Variants in SPNS2 observed in about 807,000 individuals in gnomAD.
SPNS2 encodes SPNS lysolipid transporter 2, sphingosine-1-phosphate.
Under a neutral mutation model 57.6 loss-of-function variants are expected in SPNS2, and 37 were observed. The observed-to-expected ratio is 0.64, with a 90% CI of 0.49 to 0.85. The LOEUF (loss-of-function observed/expected upper bound fraction) is 0.85, where lower values mean the gene tolerates loss of function less well. Among genes scored for constraint, SPNS2 ranks in the 40% least tolerant of loss-of-function variants. SPNS2 has a pLI of 0.00. For synonymous variants in SPNS2, 440 were observed against 346.9 expected, an observed-to-expected ratio of 1.27 and a Z score of -2.98; for missense variants, 831 against 779.1, an observed-to-expected ratio of 1.07 and a Z score of -0.79.
At position 4,536,404 on chromosome 17, in the gene SPNS2, G is replaced by T. The variant is rs750111797; in HGVS notation, c.1585G>T (p.Asp529Tyr). The change falls in exon 11 of 13, where the codon GAC (aspartate) becomes TAC (tyrosine). Residue 529 changes from aspartate to tyrosine, a missense_variant. Transcript: ENST00000329078. ...FLATALFFVS[D>Y]RARAEQQVNQ... ...CGCCACTGCGCTCTTCTTCGTCAGCGACCGCGCCAGGGCTGAGCAGCAGTG... is the reference window on the plus strand; with the variant it reads ...CGCCACTGCGCTCTTCTTCGTCAGCTACCGCGCCAGGGCTGAGCAGCAGTG... 1.9e-6 allele frequency: 3 copies of T among 1,596,888 alleles called. No homozygotes were observed. The highest frequency in any genetic ancestry group is 1.7e-5 in the Admixed American group (1 of 59,774).
At chr17:4,523,482 T>C (rs149075046) in intron 2 of SPNS2, among the ~76,000 whole-genome samples, 18 of 151,444 alleles carry the variant, frequency 1.2e-4, no homozygotes, top group African/African-American at 4.4e-4. Flanking sequence ...AATAAATTTC[T>C]CTCAGCCAGG....
intron 2 of SPNS2, among the ~76,000 whole-genome samples, chr17:4,524,073 C>T (rs1044356967): frequency 1.5e-4 from 23 of 152,152 alleles, no homozygotes; most frequent in African/African-American, 3.6e-4. Context: ...CCCTGCGGCG[C>T]GCTGGGAGTG....
chr17:4,538,747 G>A lies in SPNS2; in HGVS notation c.*1299G>A, dbSNP rs957744441. 2 of 709,794 alleles carry A rather than the reference G, an allele frequency of 2.8e-6. No individual in the cohort carries two copies. Among genetic ancestry groups the A allele is most frequent in the Admixed American group, 2.3e-5 (1 of 44,062 alleles). 44.0% of individuals were successfully genotyped at this position (709,794 alleles called of 1,614,324 possible). On this transcript the variant is annotated 3_prime_UTR_variant, in exon 13 of 13. Transcript: ENST00000329078. ...CTGTGGCTTCAGTGGTGTGTAAGCA[G>A]GTGGAATACTCACCCACCAAGCTCT... is the stretch of plus-strand genomic sequence containing the variant.
intron 5 of SPNS2, 48 bp from the exon 6 acceptor site, chr17:4,532,494 G>A: frequency 1.2e-6 from 2 of 1,613,742 alleles, no homozygotes; most frequent in Non-Finnish European, 8.5e-7. Context: ...CTGCAGCAGG[G>A]ACGAGGCTCA....
In SPNS2 at chr17:4,499,725, CCTCTGCGT is replaced by C. The variant is rs149594585; in HGVS notation, c.370+313_370+320del. On this transcript the variant is annotated intron_variant, in intron 1 of 12. Transcript: ENST00000329078. This position sits in a 1 kb window ranked among gnomAD's most constrained non-coding sequence, Gnocchi z 5.2. ...CCGTTGTCCTCCTCTCCAAGAGTCTCCTCTGCGTCTCTCTGTCTCCTTGTCTCTGCGCC... is the reference window on the plus strand; with the variant it reads ...CCGTTGTCCTCCTCTCCAAGAGTCTCCTCTCTGTCTCCTTGTCTCTGCGCC... 7.5e-3 allele frequency: 1,967 copies of C among 262,264 alleles called. 35 individuals are homozygous for C. Among genetic ancestry groups the C allele is most frequent in the African/African-American group, 0.041 (1,854 of 45,324 alleles). 16.2% of individuals were successfully genotyped at this position (262,264 alleles called of 1,614,324 possible).
intron 3 of SPNS2, among the ~76,000 whole-genome samples, chr17:4,528,330 AC>A (rs1190735371): frequency 6.6e-6 from 1 of 151,880 alleles, no homozygotes; most frequent in Non-Finnish European, 1.5e-5. Context: ...GCCCTGTGAG[AC>A]TCAACAGGAA....
In SPNS2 at chr17:4,536,139, C is replaced by T. The variant is rs767155809; in HGVS notation, c.1408C>T (p.Leu470=). The change falls in exon 10 of 13, where the codon CTG becomes TTG. Residue 470 remains leucine (L), a synonymous_variant. Coordinates refer to ENST00000329078, the MANE Select transcript of SPNS2 (RefSeq NM_001124758.3). The part of the protein sequence containing the change: ...VALQSFTSHL[L]GDAGSPYLIG... ...CTTGCAGAGCTTCACCTCCCACCTG[C>T]TGGGGGACGCCGGGAGCCCCTACCT... 1 of 1,612,678 alleles carries T rather than the reference C, an allele frequency of 6.2e-7. No individual in the cohort carries two copies. The highest frequency in any genetic ancestry group is 1.3e-5 in the African/African-American group (1 of 75,026).
chr17:4,538,066 G>A lies in SPNS2; in HGVS notation c.*618G>A, dbSNP rs557704392. 3.5e-5 allele frequency: 12 copies of A among 342,234 alleles called. No homozygotes were observed. The highest frequency in any genetic ancestry group is 1.3e-3 in the Middle Eastern group (2 of 1,528). The allele number at this position is 342,234 out of a possible 1,614,324, so 21.2% of individuals were successfully genotyped here. On this transcript the variant is annotated 3_prime_UTR_variant, in exon 13 of 13. Coordinates refer to ENST00000329078, the MANE Select transcript of SPNS2 (RefSeq NM_001124758.3). ...CTCTGGGTACTCCCTGGAGGACACTGTCTCACTGTCTCGGGTTGGCTCCCA... is the reference window on the plus strand; with the variant it reads ...CTCTGGGTACTCCCTGGAGGACACTATCTCACTGTCTCGGGTTGGCTCCCA...
chr17:4,516,843 A>G (rs995329649), intron 2 of SPNS2, among the ~76,000 whole-genome samples: 1 of 152,248 alleles, frequency 6.6e-6, no homozygotes, highest in Non-Finnish European at 1.5e-5. Context: ...AGTGGGAGCT[A>G]GAATTGAAGC....
In SPNS2 at chr17:4,536,253, A is replaced by C; in HGVS notation, c.1444-10A>C. On this transcript the variant is annotated splice_polypyrimidine_tract_variant and intron_variant, in intron 10 of 12. Coordinates refer to ENST00000329078, the MANE Select transcript of SPNS2 (RefSeq NM_001124758.3). ...GCTCTGCCCTGACATCCACCCCCAA[A>C]TCCTCGCAGATCTCAGACCTGATCC... The C allele has an allele frequency of 6.2e-7, 1 of 1,610,942 alleles. No homozygotes were observed. Among genetic ancestry groups the C allele is most frequent in the Non-Finnish European group, 8.5e-7 (1 of 1,179,192 alleles).
intron 3 of SPNS2, among the ~76,000 whole-genome samples, chr17:4,527,211 A>G (rs984023521): frequency 6.6e-6 from 1 of 152,280 alleles, no homozygotes; most frequent in African/African-American, 2.4e-5. Context: ...TTCTGAAGTT[A>G]ATTTGGCAGA....
chr17:4,509,295 C>T (rs1438379067), intron 1 of SPNS2, among the ~76,000 whole-genome samples: 1 of 152,148 alleles, frequency 6.6e-6, no homozygotes, highest in Non-Finnish European at 1.5e-5. Context: ...GAGTTCTTAG[C>T]CAAGTGTCGT....
intron 1 of SPNS2, 134 bp from the exon 2 acceptor site, chr17:4,513,113 A>C: frequency 4.4e-6 from 4 of 904,968 alleles, no homozygotes; most frequent in Non-Finnish European, 7.0e-6. Context: ...TGGGCAGGGT[A>C]GAGGTCGCAG....
chr17:4,533,366 G>A lies in SPNS2; in HGVS notation c.1212G>A (p.Met404Ile). 1 of 1,611,464 alleles carries A rather than the reference G, an allele frequency of 6.2e-7. No homozygotes were observed. Among genetic ancestry groups the A allele is most frequent in the East Asian group, 2.2e-5 (1 of 44,860 alleles). The change falls in exon 8 of 13, where the codon ATG becomes ATA. Residue 404 changes from methionine to isoleucine, a missense_variant. Physicochemically the swap from Met to Ile is conservative, Grantham distance 10 (BLOSUM62 1). Around this residue, in one of 2 missense-constraint regions of SPNS2, gnomAD observed 526 missense variants for 400.9 expected, o/e 1.31. Transcript: ENST00000329078. ...RADPLVCAVGMLGSAIFICLI... is the reference protein window; with the variant it reads ...RADPLVCAVGILGSAIFICLI... ...ACCCACTGGTGTGTGCCGTGGGCAT[G>A]CTGGGCTCTGCCATCTTCATCTGCC...
Position 4,512,825 on chromosome 17 carries a change from C to G in SPNS2, c.371-422C>G, listed in dbSNP as rs117231603. Among the ~76,000 whole-genome samples, 943 of 144,206 alleles carry G rather than the reference C, an allele frequency of 6.5e-3. 17 individuals carry two copies. The highest frequency in any genetic ancestry group is 0.033 in the East Asian group (172 of 5,146). The allele number at this position is 144,206 out of a possible 152,430, so 94.6% of individuals were successfully genotyped here. Reference sequence around the variant, plus strand: ...GAGTGAGCGGCTGCCCCTCCCAGGCCAGAGGGCTCCCCGCAGCTTTCAGGG... The same window carrying G: ...GAGTGAGCGGCTGCCCCTCCCAGGCGAGAGGGCTCCCCGCAGCTTTCAGGG... On this transcript the variant is annotated intron_variant, in intron 1 of 12. Transcript: ENST00000329078. This position sits in a 1 kb window ranked among gnomAD's most constrained non-coding sequence, Gnocchi z 5.2.
At chr17:4,530,307 G>A (rs2144359810) in intron 3 of SPNS2, among the ~76,000 whole-genome samples, 1 of 152,302 alleles carries the variant, frequency 6.6e-6, no homozygotes, top group East Asian at 1.9e-4. Context: ...AGTTGGTGGA[G>A]TAGTGGAGAC....
At chr17:4,534,108 T>C (rs1441978688) in intron 9 of SPNS2, among the ~76,000 whole-genome samples, 1 of 152,086 alleles carries the variant, frequency 6.6e-6, no homozygotes, top group African/African-American at 2.4e-5. Context: ...GAGGCTCAGG[T>C]TAGTGGCTGG....
chr17:4,507,949 C>T (rs1421350511), intron 1 of SPNS2, among the ~76,000 whole-genome samples: 1 of 152,154 alleles, frequency 6.6e-6, no homozygotes, highest in African/African-American at 2.4e-5. Context: ...TTGGGCCTGG[C>T]TGGAGGAGGG....
At chr17:4,536,003 C>G in intron 9 of SPNS2, 73 bp from the exon 10 acceptor site, 1 of 1,339,264 alleles carries the variant, frequency 7.5e-7, no homozygotes, top group South Asian at 1.3e-5. Context: ...TTCAGAAGTG[C>G]CACGGCCCGG....
Sources: allele counts gnomAD v4.1 joint callset (sites outside exome capture counted in the v4.1 genomes callset), GRCh38; gene constraint gnomAD v4.1.1; regional missense constraint gnomAD v4.1.1; non-coding constraint Gnocchi (gnomAD v3.1); transcripts MANE v1.5; gene names NCBI Gene and HGNC (gene_info 2026-07-23, HGNC 2026-07-21).